The following AEBP1 variants were observed in gnomAD, a reference collection of about 807,000 sequenced individuals.
AEBP1 encodes adipocyte enhancer-binding protein 1.
AEBP1 carries 69 observed loss-of-function variants against 116.5 expected under a neutral mutation model. The observed-to-expected ratio is 0.59, with a 90% CI of 0.49 to 0.72. AEBP1 has a LOEUF of 0.72. Among genes scored for constraint, AEBP1 ranks in the 30% least tolerant of loss-of-function variants. AEBP1 has a pLI of 0.00. For synonymous variants in AEBP1, 627 were observed against 627.3 expected, an observed-to-expected ratio of 1.00 and a Z score of 0.01; for missense variants, 1,444 against 1,557.5, an observed-to-expected ratio of 0.93 and a Z score of 1.23.
In AEBP1 at chr7:44,109,088, C is replaced by G. The variant is rs2096226099; in HGVS notation, c.1019-19C>G. 6.2e-7 allele frequency: 1 copy of G among 1,613,224 alleles called. No individual in the cohort carries two copies. The highest frequency in any genetic ancestry group is 1.7e-5 in the Admixed American group (1 of 59,990). ...CCCAGAGCCAGGCTGACTGGCCCCTCCTACCTTGCACCTTCCAGAGAAACC... is the reference window on the plus strand; with the variant it reads ...CCCAGAGCCAGGCTGACTGGCCCCTGCTACCTTGCACCTTCCAGAGAAACC... On this transcript the variant is annotated intron_variant, in intron 7 of 20. Transcript: ENST00000223357.
In AEBP1 at chr7:44,107,509, T is replaced by C. The variant is rs1386214085; in HGVS notation, c.666T>C (p.Pro222=). 1 of 1,613,438 alleles carries C rather than the reference T, an allele frequency of 6.2e-7. No homozygotes were observed. Among genetic ancestry groups the C allele is most frequent in the African/African-American group, 1.3e-5 (1 of 75,032 alleles). ...ATGTGGAGGCACGGGAGCACCAGCC[T>C]GGTGAGTGGCCGTCATCCGCCTGGC... The part of the protein sequence containing the change: ...ETHVEAREHQ[P]EPEEETEQPT... Residue 222 remains proline, a splice_region_variant and synonymous_variant, in exon 3 of 21, where the codon CCT becomes CCC. Transcript: ENST00000223357. This position sits in a 1 kb window ranked among gnomAD's most constrained non-coding sequence, Gnocchi z 4.3.
chr7:44,112,465 T>TCC lies in AEBP1; in HGVS notation c.2218-93_2218-92insCC. 1.4e-6 allele frequency: 2 copies of TCC among 1,397,438 alleles called. No homozygotes were observed. Among genetic ancestry groups the TCC allele is most frequent in the Non-Finnish European group, 1.9e-6 (2 of 1,031,632 alleles). The allele number at this position is 1,397,438 out of a possible 1,614,324, so 86.6% of individuals were successfully genotyped here. A position where few individuals can be genotyped will look rare whatever the true frequency, so the allele number is the denominator to read the frequency against. The stretch of plus-strand genomic sequence containing the variant: ...GTTGGGGGACAGGGGATCGTGCGAG[T>TCC]ACTGGTGTGAAGCTTCATGGAGGGT... On this transcript the variant is annotated intron_variant, in intron 17 of 20. Transcript: ENST00000223357. The surrounding 1 kb of genome is among the most constrained non-coding windows in gnomAD (Gnocchi z 6.6).
chr7:44,109,455 C>T (rs2096226549), intron 9 of AEBP1, 114 bp downstream of exon 9: 12 of 1,250,742 alleles, frequency 9.6e-6, no homozygotes, highest in African/African-American at 3.0e-5. Flanking sequence ...CTTTCCTACT[C>T]AGATTCTTGG....
chr7:44,109,050 A>G, intron 7 of AEBP1, 57 bp from the exon 8 acceptor site: 1 of 1,611,378 alleles, frequency 6.2e-7, no homozygotes, highest in Non-Finnish European at 8.5e-7. Context: ...TCCACCCCAC[A>G]TGGTCCTCAA....
rs774886394 is a variant in AEBP1, at chr7:44,111,997, A to T, written c.1984A>T (p.Ile662Phe). The change falls in exon 16 of 21, where the codon ATC (isoleucine) becomes TTC (phenylalanine). Residue 662 changes from isoleucine to phenylalanine, a missense_variant. Ile to Phe is a conservative substitution (Grantham distance 21). Transcript: ENST00000223357. The surrounding 1 kb of genome is among the most constrained non-coding windows in gnomAD (Gnocchi z 4.7). Reference protein sequence around the residue: ...RVRSLVQDTRIHLVPSLNPDG... With the variant: ...RVRSLVQDTRFHLVPSLNPDG... ...GCGCAGCCTGGTGCAGGACACACGC[A>T]TCCACCTGGTGCCCTCACTGAACCC... The T allele has an allele frequency of 3.0e-5, 49 of 1,613,754 alleles. No homozygotes were observed. The highest frequency in any genetic ancestry group is 4.2e-5 in the Non-Finnish European group (49 of 1,179,994).
chr7:44,110,672 C>T (rs1243515858), intron 11 of AEBP1, 53 bp from the exon 12 acceptor site: 13 of 1,465,694 alleles, frequency 8.9e-6, no homozygotes, highest in East Asian at 2.3e-5. Flanking sequence ...CTCAGGCCAC[C>T]TGAGGGCCTG....
At position 44,113,880 on chromosome 7, in the gene AEBP1, G is replaced by T. The variant is rs1213375123; in HGVS notation, c.3096G>T (p.Gln1032His). 6.2e-7 allele frequency: 1 copy of T among 1,613,386 alleles called. No individual in the cohort carries two copies. The highest frequency in any genetic ancestry group is 1.3e-5 in the African/African-American group (1 of 74,936). Residue 1032 changes from glutamine to histidine, a missense_variant, in exon 21 of 21, where the codon CAG becomes CAT. By Grantham distance (24) the Gln-to-His change is conservative. Coordinates refer to ENST00000223357, the MANE Select transcript of AEBP1 (RefSeq NM_001129.5). This position sits in a 1 kb window ranked among gnomAD's most constrained non-coding sequence, Gnocchi z 5.3. ...RLQHRLRLRAQMRLRRLNATT... is the reference protein window; with the variant it reads ...RLQHRLRLRAHMRLRRLNATT... The stretch of plus-strand genomic sequence containing the variant: ...AACACCGCCTGCGGCTTCGGGCACA[G>T]ATGCGGCTGCGGCGCCTCAACGCCA...
At chr7:44,109,554 T>A in intron 9 of AEBP1, 1 of 610,566 alleles carries the variant, frequency 1.6e-6, no homozygotes, top group Non-Finnish European at 2.8e-6. Flanking sequence ...TTCAGGAGGG[T>A]GGCAGCTCCC....
Position 44,113,648 on chromosome 7 carries a change from C to G in AEBP1, c.2864C>G (p.Ala955Gly), listed in dbSNP as rs765514256. 5.0e-6 allele frequency: 8 copies of G among 1,613,562 alleles called. No homozygotes were observed. Among genetic ancestry groups the G allele is most frequent in the Non-Finnish European group, 6.8e-6 (8 of 1,179,966 alleles). The change falls in exon 21 of 21, where the codon GCC becomes GGC. Residue 955 changes from alanine (A) to glycine (G), a missense_variant. By Grantham distance (60) the Ala-to-Gly change is moderately conservative (BLOSUM62 0). Coordinates refer to ENST00000223357, the MANE Select transcript of AEBP1 (RefSeq NM_001129.5). This position sits in a 1 kb window ranked among gnomAD's most constrained non-coding sequence, Gnocchi z 5.3. ...AACCCGGGTGAGTACCGCGTGACAG[C>G]CCACGCGGAGGGCTACACCCCGAGC... ...ILNPGEYRVTAHAEGYTPSAK... is the reference protein window; with the variant it reads ...ILNPGEYRVTGHAEGYTPSAK...
In AEBP1 at chr7:44,107,693, T is replaced by C; in HGVS notation, c.732T>C (p.Tyr244=). The C allele has an allele frequency of 6.2e-7, 1 of 1,613,480 alleles. No homozygotes were observed. The highest frequency in any genetic ancestry group is 8.5e-7 in the Non-Finnish European group (1 of 1,179,926). The change falls in exon 4 of 21, where the codon TAT becomes TAC. Residue 244 remains tyrosine, a synonymous_variant. Coordinates refer to ENST00000223357, the MANE Select transcript of AEBP1 (RefSeq NM_001129.5). This position sits in a 1 kb window ranked among gnomAD's most constrained non-coding sequence, Gnocchi z 4.3. ...DYNDQIERED[Y]EDFEYIRRQK... ...ATGACCAGATCGAGAGGGAGGACTA[T>C]GAGGACTGTGAGTAGGGTCCTGCCA...
chr7:44,111,496 C>T lies in AEBP1; in HGVS notation c.1717-11C>T, dbSNP rs1275643687. 6.4e-7 allele frequency: 1 copy of T among 1,572,842 alleles called. No homozygotes were observed. The highest frequency in any genetic ancestry group is 1.4e-5 in the African/African-American group (1 of 73,482). ...GCATGATTGATTCCACGTCCTCCCC[C>T]TCTGCCCCAGCTCATGAAGGTGGTG... On this transcript the variant is annotated splice_polypyrimidine_tract_variant and intron_variant, in intron 14 of 20. Transcript: ENST00000223357. This position sits in a 1 kb window ranked among gnomAD's most constrained non-coding sequence, Gnocchi z 4.7.
In AEBP1 at chr7:44,111,263, TG is replaced by T. The variant is rs749343917; in HGVS notation, c.1716+29del. 20 of 1,505,548 alleles carry T rather than the reference TG, an allele frequency of 1.3e-5. No homozygotes were observed. The South Asian group carries it at 2.5e-4, about 19-fold the overall frequency. 93.3% of individuals were successfully genotyped at this position (1,505,548 alleles called of 1,614,324 possible). A position where few individuals can be genotyped will look rare whatever the true frequency, so the allele number is the denominator to read the frequency against. On this transcript the variant is annotated intron_variant, in intron 14 of 20. Transcript: ENST00000223357. The surrounding 1 kb of genome is among the most constrained non-coding windows in gnomAD (Gnocchi z 4.7). ...AGGTTGGGAGCATATATCCTGGGGC[TG>T]GGGGTGGGACCTGTCTGTGGCTGAC...
Position 44,112,980 on chromosome 7 carries a change from TC to T in AEBP1, c.2570-7del. 6.2e-7 allele frequency: 1 copy of T among 1,613,832 alleles called. No homozygotes were observed. Among genetic ancestry groups the T allele is most frequent in the Admixed American group, 1.7e-5 (1 of 60,006 alleles). On this transcript the variant is annotated splice_polypyrimidine_tract_variant and intron_variant, in intron 18 of 20. Coordinates refer to ENST00000223357, the MANE Select transcript of AEBP1 (RefSeq NM_001129.5). This position sits in a 1 kb window ranked among gnomAD's most constrained non-coding sequence, Gnocchi z 6.6. ...GGGGCTGACTTTGGGTCTGTATCTG[TC>T]CCCGGCCAGCTATCAATGACTTCAG...
chr7:44,109,413 A>G (rs2096226514), intron 9 of AEBP1, 72 bp downstream of exon 9: 6 of 1,436,144 alleles, frequency 4.2e-6, no homozygotes, highest in Non-Finnish European at 5.6e-6. Context: ...GACTGGCCCA[A>G]TGTCACAAAC....
At position 44,108,764 on chromosome 7, in the gene AEBP1, C is replaced by G. The variant is rs1159102887; in HGVS notation, c.941-135C>G. The G allele has an allele frequency of 7.7e-6, 6 of 778,104 alleles. No individual in the cohort carries two copies. Among genetic ancestry groups the G allele is most frequent in the Non-Finnish European group, 1.3e-5 (6 of 475,714 alleles). 48.2% of individuals were successfully genotyped at this position (778,104 alleles called of 1,614,324 possible). ...GCTCCTGACTCCTGCAAGACCCTCT[C>G]CCAACTCAGCTGTCCCCCATCTCCC... On this transcript the variant is annotated intron_variant, in intron 6 of 20. Coordinates refer to ENST00000223357, the MANE Select transcript of AEBP1 (RefSeq NM_001129.5). The surrounding 1 kb of genome is among the most constrained non-coding windows in gnomAD (Gnocchi z 5.0).
rs1385927635 is a variant in AEBP1 at position 44,113,285 on chromosome 7, G to A, written c.2743G>A (p.Glu915Lys). 3 of 1,613,586 alleles carry A rather than the reference G, an allele frequency of 1.9e-6. No individual in the cohort carries two copies. Among genetic ancestry groups the A allele is most frequent in the African/African-American group, 1.3e-5 (1 of 74,872 alleles). ...HRGIKGVVTD[E>K]QGIPIANATI... ...CGGCATTAAGGGGGTGGTGACGGAC[G>A]AGCAAGGCATCCCCATTGCCAACGC... Residue 915 changes from glutamate (E) to lysine (K), a missense_variant, in exon 20 of 21, where the codon GAG becomes AAG. Transcript: ENST00000223357. The surrounding 1 kb of genome is among the most constrained non-coding windows in gnomAD (Gnocchi z 5.3).
chr7:44,106,202 C>T (rs973705024), intron 1 of AEBP1: 12 of 502,052 alleles, frequency 2.4e-5, no homozygotes, highest in Non-Finnish European at 4.7e-5. Flanking sequence ...ACCTCTCTGC[C>T]CCTTCTGTGC....
In AEBP1 at chr7:44,111,871, TAC is replaced by T; in HGVS notation, c.1861_1862del (p.Thr621CysfsTer50). ...CCTTGCAGGGGAGCCCGAGTTCCGC[TAC>T]ACTGCTGGGATCCATGGCAACGAGG... ...EHELGEPEFR[Y>X]TAGIHGNEVL... On this transcript the variant is annotated frameshift_variant, in exon 16 of 21. Transcript: ENST00000223357. LOFTEE classifies it high-confidence loss of function. The surrounding 1 kb of genome is among the most constrained non-coding windows in gnomAD (Gnocchi z 4.7). 6.2e-7 allele frequency: 1 copy of T among 1,613,368 alleles called. No individual in the cohort carries two copies. The highest frequency in any genetic ancestry group is 8.5e-7 in the Non-Finnish European group (1 of 1,179,916).
chr7:44,109,505 C>A, intron 9 of AEBP1, 164 bp downstream of exon 9: 1 of 795,994 alleles, frequency 1.3e-6, no homozygotes, highest in Non-Finnish European at 1.9e-6. Flanking sequence ...AGGATAGCCT[C>A]GCTTGGCTGC....
Sources: allele counts gnomAD v4.1 joint callset, GRCh38; gene constraint gnomAD v4.1.1; non-coding constraint Gnocchi (gnomAD v3.1); transcripts MANE v1.5; gene names NCBI Gene and HGNC (gene_info 2026-07-23, HGNC 2026-07-21).